The following DHRSX variants were observed in gnomAD, a reference collection of about 807,000 sequenced individuals.
DHRSX encodes dehydrogenase/reductase X-linked.
In DHRSX, 31 loss-of-function variants were observed where a neutral mutation model predicts 34.0. That is an observed-to-expected ratio of 0.91 (90% confidence interval 0.69 to 1.23). The LOEUF (loss-of-function observed/expected upper bound fraction) is 1.23. DHRSX is among the 50% of genes most tolerant of loss of function. The pLI, the probability that DHRSX is intolerant of heterozygous loss-of-function variation, is 0.00. For synonymous variants in DHRSX, 201 were observed against 183.8 expected (o/e 1.09, Z -0.76); for missense variants, 414 against 428.1 (o/e 0.97, Z 0.29).
chrX:2,374,417 A>G (rs987640241), intron 3 of DHRSX, among the ~76,000 whole-genome samples: 10 of 151,764 alleles, frequency 6.6e-5, no homozygotes, highest in African/African-American at 2.2e-4. Flanking sequence ...AGGGCAACAT[A>G]GTGAGACCCC....
chrX:2,439,266 G>A (rs187470702), intron 1 of DHRSX, among the ~76,000 whole-genome samples: 44 of 152,072 alleles, frequency 2.9e-4, no homozygotes, highest in Non-Finnish European at 2.6e-4. Flanking sequence ...ACTGATCTAC[G>A]AGAATTGGAC....
intron 4 of DHRSX, among the ~76,000 whole-genome samples, chrX:2,285,259 G>A (rs2041791369): frequency 6.6e-6 from 1 of 152,094 alleles, no homozygotes; most frequent in East Asian, 1.9e-4. Context: ...GAATCAGTGG[G>A]AGCCCTGAGC....
At chrX:2,446,804 G>A (rs189940460) in intron 1 of DHRSX, among the ~76,000 whole-genome samples, 9 of 152,070 alleles carry the variant, frequency 5.9e-5, no homozygotes, top group Admixed American at 5.9e-4. Flanking sequence ...TGTAGGCACT[G>A]AAGACATTCC....
In DHRSX at chrX:2,452,596, C is replaced by T. The variant is rs1408674778; in HGVS notation, c.110-27292G>A. Among the ~76,000 whole-genome samples, 9 of 151,814 alleles carry T rather than the reference C, an allele frequency of 5.9e-5. No individual in the cohort carries two copies. The South Asian group carries it at 6.2e-4, about 11-fold the overall frequency. On this transcript the variant is annotated intron_variant, in intron 1 of 6. Coordinates refer to ENST00000334651, the MANE Select transcript of DHRSX (RefSeq NM_145177.3). ...CTGAAGATGTTCCCTAAGCATGTGG[C>T]CAATGGACCGCACTGATGACGTTCC...
chrX:2,383,882 A>G (rs1216033161), intron 3 of DHRSX, among the ~76,000 whole-genome samples: 1 of 152,226 alleles, frequency 6.6e-6, no homozygotes, highest in Non-Finnish European at 1.5e-5. Context: ...AAGAATTCTC[A>G]AGAACCAGGA....
chrX:2,255,425 G>A (rs931713468), intron 5 of DHRSX, among the ~76,000 whole-genome samples: 1 of 152,062 alleles, frequency 6.6e-6, no homozygotes, highest in Admixed American at 6.6e-5. Flanking sequence ...ACACAACTTA[G>A]TCTATACTGG....
chrX:2,345,345 A>G (rs756731386), intron 3 of DHRSX, among the ~76,000 whole-genome samples: 1 of 151,634 alleles, frequency 6.6e-6, no homozygotes, highest in East Asian at 2.0e-4. Flanking sequence ...GAAGGTCATA[A>G]TAGAACAAAA....
At chrX:2,327,109 G>A (rs1387343922) in intron 3 of DHRSX, among the ~76,000 whole-genome samples, 2 of 152,192 alleles carry the variant, frequency 1.3e-5, no homozygotes, top group Non-Finnish European at 2.9e-5. Flanking sequence ...CACCGTGCCC[G>A]ACCAGATTTC....
intron 3 of DHRSX, among the ~76,000 whole-genome samples, chrX:2,388,074 G>A (rs1440208104): frequency 6.6e-5 from 10 of 152,178 alleles, no homozygotes; most frequent in Admixed American, 6.5e-4. Flanking sequence ...CTCAGGGCTT[G>A]AGGGGACAAT....
At chrX:2,372,467 C>G (rs1420937511) in intron 3 of DHRSX, among the ~76,000 whole-genome samples, 1 of 152,012 alleles carries the variant, frequency 6.6e-6, no homozygotes, top group Non-Finnish European at 1.5e-5. Flanking sequence ...AACATAAATT[C>G]CAGGATCCCG....
chrX:2,295,906 T>C (rs780004831), intron 3 of DHRSX, among the ~76,000 whole-genome samples: 2 of 152,248 alleles, frequency 1.3e-5, no homozygotes, highest in Non-Finnish European at 2.9e-5. Context: ...CCATAAATAG[T>C]TCCCTTCCTC....
chrX:2,386,889 T>G (rs1026689851), intron 3 of DHRSX, among the ~76,000 whole-genome samples: 10 of 151,982 alleles, frequency 6.6e-5, no homozygotes, highest in African/African-American at 2.2e-4. Flanking sequence ...TTTGTTTTTT[T>G]TTTTTTTTGC....
intron 3 of DHRSX, among the ~76,000 whole-genome samples, chrX:2,390,144 C>CT (rs575599788): frequency 0.4 from 50,700 of 128,014 alleles, 10,547 homozygotes; most frequent in Non-Finnish European, 0.45. Flanking sequence ...GCATTTTAAC[C>CT]TTTTTTTTTT....
intron 1 of DHRSX, among the ~76,000 whole-genome samples, chrX:2,432,071 G>A (rs2043932334): frequency 6.6e-6 from 1 of 152,080 alleles, no homozygotes. Context: ...TGTGCCACCT[G>A]TAATCCCAGC....
intron 3 of DHRSX, among the ~76,000 whole-genome samples, chrX:2,314,276 G>GAGGGAGGC (rs2042203471): frequency 7.7e-5 from 4 of 51,822 alleles, no homozygotes; most frequent in Non-Finnish European, 1.1e-4. Context: ...AGGAGGGAAT[G>GAGGGAGGC]AGGGAGGGAA....
intron 1 of DHRSX, among the ~76,000 whole-genome samples, chrX:2,434,708 T>C (rs2043972482): frequency 6.6e-6 from 1 of 152,162 alleles, no homozygotes; most frequent in African/African-American, 2.4e-5. Context: ...TGCATTTTCT[T>C]TTTGGCTCAG....
intron 1 of DHRSX, among the ~76,000 whole-genome samples, chrX:2,466,299 G>A (rs745430135): frequency 2.6e-5 from 4 of 152,268 alleles, no homozygotes; most frequent in African/African-American, 7.2e-5. Flanking sequence ...TTAGCCCAGC[G>A]TGGTGGTATG....
At chrX:2,241,896 C>T (rs1387649521) in intron 6 of DHRSX, among the ~76,000 whole-genome samples, 1 of 152,020 alleles carries the variant, frequency 6.6e-6, no homozygotes, top group Non-Finnish European at 1.5e-5. Context: ...CAACACAGAA[C>T]GAAACTCCGT....
At chrX:2,304,701 C>T (rs184538632) in intron 3 of DHRSX, among the ~76,000 whole-genome samples, 1 of 152,160 alleles carries the variant, frequency 6.6e-6, no homozygotes, top group Non-Finnish European at 1.5e-5. Context: ...CCTCATGCCT[C>T]CCTAGAAGCA....
Sources: allele counts gnomAD v4.1 joint callset (sites outside exome capture counted in the v4.1 genomes callset), GRCh38; gene constraint gnomAD v4.1.1; transcripts MANE v1.5; gene names NCBI Gene and HGNC (gene_info 2026-07-23, HGNC 2026-07-21).